Variants in AOAH observed in about 807,000 individuals in gnomAD.
AOAH encodes the protein acyloxyacyl hydrolase (neutrophil).
Under a neutral mutation model 92.2 loss-of-function variants are expected in AOAH, and 64 were observed. The ratio of observed to expected loss-of-function variants is 0.69; its 90% CI spans 0.57 to 0.86. The LOEUF is 0.86. Ranked by LOEUF, AOAH falls within the 40% of genes least tolerant of loss-of-function variation. AOAH has a pLI of 0.00. For synonymous variants in AOAH, 263 were observed against 254.5 expected, an observed-to-expected ratio of 1.03 and a Z score of -0.32; for missense variants, 656 against 694.6, an observed-to-expected ratio of 0.94 and a Z score of 0.62.
chr7:36,604,734 A>G (rs1790874968), intron 11 of AOAH, among the ~76,000 whole-genome samples: 1 of 152,154 alleles, frequency 6.6e-6, no homozygotes, highest in Non-Finnish European at 1.5e-5. Flanking sequence ...CCAGCCCTGG[A>G]CTGCTTCCCT....
intron 16 of AOAH, among the ~76,000 whole-genome samples, chr7:36,532,695 G>A (rs1784770882): frequency 6.6e-6 from 1 of 152,192 alleles, no homozygotes; most frequent in African/African-American, 2.4e-5. Flanking sequence ...AGCCCTTTAA[G>A]AGCAGTACTT....
Position 36,543,074 on chromosome 7 carries a change from G to C in AOAH, c.1134-2583C>G, listed in dbSNP as rs149515979. 2.5e-3 allele frequency among the ~76,000 whole-genome samples: 376 copies of C among 152,260 alleles called. 1 individual carries two copies. The highest frequency in any genetic ancestry group is 7.8e-3 in the African/African-American group (324 of 41,538). On this transcript the variant is annotated intron_variant, in intron 15 of 20. Coordinates refer to ENST00000617537, the MANE Select transcript of AOAH (RefSeq NM_001637.4). ...GTCATGGATCGCTAGAGTCTCTTAA[G>C]GGGGGAGAGAAAAAGATGTCTAATT... is the stretch of plus-strand genomic sequence containing the variant.
intron 13 of AOAH, among the ~76,000 whole-genome samples, chr7:36,573,704 C>G (rs543674886): frequency 6.6e-6 from 1 of 152,030 alleles, no homozygotes; most frequent in South Asian, 2.1e-4. Context: ...GGCGACAGAG[C>G]GAGACTCTGT....
In AOAH at chr7:36,575,733, T is replaced by G. The variant is rs149298214; in HGVS notation, c.1021+841A>C. ...TTTATTCTGTATAGAATATTTATTA[T>G]AAGAAATACATTATTTGTAGGTCAC... On this transcript the variant is annotated intron_variant, in intron 13 of 20. Coordinates refer to ENST00000617537, the MANE Select transcript of AOAH (RefSeq NM_001637.4). 1.7e-3 allele frequency among the ~76,000 whole-genome samples: 261 copies of G among 152,366 alleles called. 1 individual carries two copies. Among genetic ancestry groups the G allele is most frequent in the African/African-American group, 5.3e-3 (220 of 41,590 alleles).
At chr7:36,543,454 CTTT>C (rs142008904) in intron 15 of AOAH, among the ~76,000 whole-genome samples, 2 of 150,254 alleles carry the variant, frequency 1.3e-5, no homozygotes, top group African/African-American at 4.9e-5. Flanking sequence ...CCTTGCCACA[CTTT>C]TTTTTTTCCT....
intron 2 of AOAH, among the ~76,000 whole-genome samples, chr7:36,686,087 A>C (rs1045303268): frequency 6.6e-6 from 1 of 152,216 alleles, no homozygotes; most frequent in African/African-American, 2.4e-5. Context: ...ACAGTATTCT[A>C]TAATGGAAAT....
chr7:36,523,768 G>A (rs925819764), intron 19 of AOAH, among the ~76,000 whole-genome samples: 2 of 151,234 alleles, frequency 1.3e-5, no homozygotes, highest in Admixed American at 1.3e-4. Flanking sequence ...TGGCTGCGAT[G>A]CTGGCCCTGC....
At chr7:36,641,950 G>A (rs926167774) in intron 4 of AOAH, among the ~76,000 whole-genome samples, 3 of 152,114 alleles carry the variant, frequency 2.0e-5, no homozygotes, top group African/African-American at 7.2e-5. Context: ...AAACACTTCT[G>A]TCTAGAATGA....
chr7:36,524,504 AAAAAAAAAAAAAC>A (rs555692916), intron 19 of AOAH, among the ~76,000 whole-genome samples: 1 of 5,102 alleles, frequency 2.0e-4, no homozygotes, highest in South Asian at 0.062. Context: ...AGAAAACCTA[AAAAAAAAAAAAAC>A]AAAAAAAAAT....
intron 8 of AOAH, among the ~76,000 whole-genome samples, chr7:36,621,197 G>C (rs902514228): frequency 1.3e-5 from 2 of 152,146 alleles, no homozygotes; most frequent in African/African-American, 4.8e-5. Context: ...TTAATGCTTT[G>C]ACACTATAGT....
At chr7:36,591,614 G>A (rs1159606392) in intron 12 of AOAH, among the ~76,000 whole-genome samples, 3 of 152,232 alleles carry the variant, frequency 2.0e-5, no homozygotes, top group Non-Finnish European at 4.4e-5. Context: ...GCTGGGCACT[G>A]ATCAGGATGA....
At chr7:36,520,789 C>A (rs1291808848) in intron 20 of AOAH, among the ~76,000 whole-genome samples, 1 of 151,856 alleles carries the variant, frequency 6.6e-6, no homozygotes, top group Non-Finnish European at 1.5e-5. Flanking sequence ...GGGGATCAGA[C>A]CCTGATATTT....
At chr7:36,647,979 C>T (rs548497070) in intron 4 of AOAH, among the ~76,000 whole-genome samples, 39 of 152,066 alleles carry the variant, frequency 2.6e-4, no homozygotes, top group Non-Finnish European at 5.1e-4. Flanking sequence ...TACAGGTTCA[C>T]GCCATCATGC....
intron 11 of AOAH, among the ~76,000 whole-genome samples, chr7:36,609,748 C>A (rs938313690): frequency 2.6e-5 from 4 of 152,002 alleles, no homozygotes; most frequent in African/African-American, 9.7e-5. Context: ...TCCGCATTGC[C>A]CCATGGGGTT....
rs188795064 is a variant in AOAH, at chr7:36,600,489, G to A, written c.847-6059C>T. On this transcript the variant is annotated intron_variant, in intron 11 of 20. Coordinates refer to ENST00000617537, the MANE Select transcript of AOAH (RefSeq NM_001637.4). ...GCAGGGCCCAGGACTGCTCTGGTCT[G>A]AACTCAGATATGTCTGGCCTGACAT... is the stretch of plus-strand genomic sequence containing the variant. Among the ~76,000 whole-genome samples, 494 of 152,296 alleles carry A rather than the reference G, an allele frequency of 3.2e-3. 3 individuals carry two copies. The highest frequency in any genetic ancestry group is 0.01 in the African/African-American group (429 of 41,550).
At chr7:36,631,035 G>T (rs1793039779) in intron 6 of AOAH, among the ~76,000 whole-genome samples, 1 of 152,238 alleles carries the variant, frequency 6.6e-6, no homozygotes, top group Non-Finnish European at 1.5e-5. Flanking sequence ...CAGCAAAGCA[G>T]CAGTGGTCAT....
chr7:36,517,212 T>C (rs201265739), intron 20 of AOAH, among the ~76,000 whole-genome samples: 223 of 21,128 alleles, frequency 0.011, 3 homozygotes, highest in East Asian at 0.038. Context: ...CTTTCTTTCT[T>C]TCTCTTTCTT....
intron 3 of AOAH, among the ~76,000 whole-genome samples, chr7:36,663,245 C>A (rs1584061026): frequency 1.3e-5 from 2 of 152,286 alleles, no homozygotes; most frequent in South Asian, 4.1e-4. Context: ...GACACATGCA[C>A]AGGCTCCCCT....
intron 3 of AOAH, among the ~76,000 whole-genome samples, chr7:36,659,755 C>CTTTTTTTTTTTTT (rs112482487): frequency 5.5e-5 from 7 of 127,974 alleles, no homozygotes; most frequent in African/African-American, 1.2e-4. Context: ...TTTTTTCTTT[C>CTTTTTTTTTTTTT]TTTTTTTTTT....
Sources: gnomAD v4.1 joint callset for allele counts (sites outside exome capture counted in the v4.1 genomes callset) on GRCh38, gnomAD v4.1.1 for gene constraint, MANE v1.5 for transcripts, NCBI Gene and HGNC (gene_info 2026-07-23, HGNC 2026-07-21) for gene names.